Variants in NDUFAF6 observed in about 807,000 individuals in gnomAD.
The protein encoded by NDUFAF6 is NADH:ubiquinone oxidoreductase complex assembly factor 6.
A neutral mutation model predicts 40.8 loss-of-function variants in NDUFAF6; 45 were observed. The observed-to-expected ratio is 1.10, with a 90% CI of 0.87 to 1.42. The LOEUF is 1.42. Ranked by LOEUF, NDUFAF6 falls within the 40% of genes most tolerant of loss-of-function variation. NDUFAF6 has a pLI of 0.00. For synonymous variants in NDUFAF6, 185 were observed against 155.9 expected (o/e 1.19, Z -1.39); for missense variants, 435 against 418.5 (o/e 1.04, Z -0.34).
At position 95,052,246 on chromosome 8, in the gene NDUFAF6, G is replaced by A; in HGVS notation, c.873+16G>A. 1 of 1,612,234 alleles carries A rather than the reference G, an allele frequency of 6.2e-7. No homozygotes were observed. The highest frequency in any genetic ancestry group is 8.5e-7 in the Non-Finnish European group (1 of 1,178,334). The stretch of plus-strand genomic sequence containing the variant: ...TCTTCAGACGGTAAGTAGATTAACA[G>A]AGAAGGCTGTATAATTAGTGAAGCA... On this transcript the variant is annotated intron_variant, in intron 8 of 8. Transcript: ENST00000396124.
chr8:95,018,205 A>ATTTT (rs34118633), intron 2 of NDUFAF6, among the ~76,000 whole-genome samples: 15,910 of 145,000 alleles, frequency 0.11, 1,021 homozygotes, highest in Middle Eastern at 0.22. Flanking sequence ...ATGCTTGGCT[A>ATTTT]TTTTTTTTTT....
chr8:94,976,013 A>ATCCTAG (rs1285233874), intron 1 of NDUFAF6: 1 of 151,022 alleles, frequency 6.6e-6, no homozygotes, highest in Admixed American at 6.6e-5. Flanking sequence ...GATCGAGACC[A>ATCCTAG]CGGTGAAACC....
intron 2 of NDUFAF6, among the ~76,000 whole-genome samples, chr8:95,019,555 G>A (rs1482310886): frequency 6.6e-6 from 1 of 152,062 alleles, no homozygotes; most frequent in Non-Finnish European, 1.5e-5. Context: ...TTTTTGGTAG[G>A]TGTGAAAAGA....
At chr8:95,100,231 G>C (rs1311798614), upstream of NDUFAF6, among the ~76,000 whole-genome samples, 1 of 148,798 alleles carries the variant, frequency 6.7e-6, no homozygotes. Context: ...TTTTAAAAGT[G>C]ATTTCCTCCT....
intron 1 of NDUFAF6, among the ~76,000 whole-genome samples, chr8:94,908,474 A>G (rs538612063): frequency 3.9e-5 from 6 of 152,282 alleles, no homozygotes; most frequent in African/African-American, 7.2e-5. Context: ...GGCTCAAGCA[A>G]TCCTCCCATC....
chr8:95,098,825 G>A (rs1297854435), upstream of NDUFAF6, among the ~76,000 whole-genome samples: 2 of 151,744 alleles, frequency 1.3e-5, no homozygotes, highest in African/African-American at 4.8e-5. Context: ...GGCAGGCTGA[G>A]GCAGGAGAAT....
chr8:94,908,544 A>G (rs980696999), intron 1 of NDUFAF6, among the ~76,000 whole-genome samples: 12 of 151,752 alleles, frequency 7.9e-5, no homozygotes, highest in Non-Finnish European at 1.5e-4. Context: ...TAATTTTTAA[A>G]TTTCCTGTAG....
intron 1 of NDUFAF6, among the ~76,000 whole-genome samples, chr8:94,901,446 G>C (rs1818010754): frequency 6.6e-6 from 1 of 151,982 alleles, no homozygotes; most frequent in Non-Finnish European, 1.5e-5. Flanking sequence ...CTGATGAATA[G>C]ACTGAGGCGA....
chr8:94,999,582 A>G (rs1167874224), intron 2 of NDUFAF6, among the ~76,000 whole-genome samples: 5 of 151,440 alleles, frequency 3.3e-5, no homozygotes, highest in African/African-American at 9.7e-5. Context: ...ATACCCGGCT[A>G]ATTTTTATAT....
rs562318992 is a variant in NDUFAF6 at position 95,058,637 on chromosome 8, T to C, written c.*700T>C. ...GCATTATCATGATCGTGAACAAAAT[T>C]GTACTGAGAAAGTTTGTATAAGTGA... On this transcript the variant is annotated 3_prime_UTR_variant, in exon 9 of 9. Coordinates refer to ENST00000396124, the MANE Select transcript of NDUFAF6 (RefSeq NM_152416.4). 4.5e-6 allele frequency: 5 copies of C among 1,111,072 alleles called. No individual in the cohort carries two copies. In the East Asian group the frequency reaches 1.5e-4, roughly 33 times the overall value. The allele number at this position is 1,111,072 out of a possible 1,614,324, so 68.8% of individuals were successfully genotyped here.
intron 3 of NDUFAF6, among the ~76,000 whole-genome samples, chr8:95,038,971 T>C (rs1829833000): frequency 6.7e-6 from 1 of 150,340 alleles, no homozygotes; most frequent in Admixed American, 6.6e-5. Context: ...ACCTGGCCTA[T>C]TTTTTGTGTT....
At position 94,900,020 on chromosome 8, in the gene NDUFAF6, G is replaced by A. The variant is rs145074456; in HGVS notation, c.-936+4093G>A. Among the ~76,000 whole-genome samples the A allele has an allele frequency of 7.5e-3, 1,136 of 152,248 alleles. 13 individuals carry two copies. The highest frequency in any genetic ancestry group is 0.026 in the African/African-American group (1,075 of 41,550). ...CACCTCCATTGCCTTTCCCCAGCTA[G>A]ATCCCATTTATTCATTAATACTCAA... On this transcript the variant is annotated intron_variant, in intron 1 of 14. Transcript: ENST00000396113.
At chr8:95,010,863 G>A (rs1261189092) in intron 2 of NDUFAF6, among the ~76,000 whole-genome samples, 3 of 152,314 alleles carry the variant, frequency 2.0e-5, no homozygotes, top group East Asian at 3.9e-4. Context: ...AGTAAAGGCC[G>A]TCAAGACAAA....
At chr8:94,965,795 C>T (rs1823966548) in intron 1 of NDUFAF6, among the ~76,000 whole-genome samples, 1 of 152,176 alleles carries the variant, frequency 6.6e-6, no homozygotes, top group Non-Finnish European at 1.5e-5. Context: ...GGAATATGGA[C>T]AGGGATGGAG....
chr8:95,090,444 C>T (rs1278136238), intron 2 of NDUFAF6, among the ~76,000 whole-genome samples: 1 of 152,114 alleles, frequency 6.6e-6, no homozygotes, highest in Non-Finnish European at 1.5e-5. Context: ...TCCTTGTCTC[C>T]AGCTCTATGT....
intron 9 of NDUFAF6, among the ~76,000 whole-genome samples, chr8:95,070,895 C>G (rs1832826479): frequency 6.6e-6 from 1 of 152,134 alleles, no homozygotes; most frequent in Non-Finnish European, 1.5e-5. Flanking sequence ...CCCCTCCCCT[C>G]CCCGAGTCAT....
At chr8:95,071,292 G>A (rs2132033527) in intron 9 of NDUFAF6, among the ~76,000 whole-genome samples, 1 of 151,862 alleles carries the variant, frequency 6.6e-6, no homozygotes, top group East Asian at 1.9e-4. Flanking sequence ...CAGCTACTCG[G>A]GAGGCTGAGG....
At chr8:95,059,512 C>A (rs1390555133), downstream of NDUFAF6, among the ~76,000 whole-genome samples, 1 of 152,160 alleles carries the variant, frequency 6.6e-6, no homozygotes, top group South Asian at 2.1e-4. Context: ...TTCTTTAATT[C>A]TGTGGCTTTC....
intron 1 of NDUFAF6, among the ~76,000 whole-genome samples, chr8:94,932,797 CG>C (rs887820813): frequency 9.3e-5 from 14 of 150,630 alleles, no homozygotes; most frequent in African/African-American, 3.4e-4. Flanking sequence ...AGCGAGACTC[CG>C]TCTCAAAAAT....
Sources: gnomAD v4.1 joint callset for allele counts (sites outside exome capture counted in the v4.1 genomes callset) on GRCh38, gnomAD v4.1.1 for gene constraint, MANE v1.5 for transcripts, NCBI Gene and HGNC (gene_info 2026-07-23, HGNC 2026-07-21) for gene names.